Variants in PTPRT observed in about 807,000 individuals in gnomAD.
PTPRT encodes receptor-type tyrosine-protein phosphatase T.
PTPRT carries 56 observed loss-of-function variants against 176.8 expected under a neutral mutation model. The observed-to-expected ratio is 0.32, with a 90% CI of 0.26 to 0.40. The LOEUF (loss-of-function observed/expected upper bound fraction) is 0.40, where lower values mean the gene tolerates loss of function less well. PTPRT is among the 10% of genes least tolerant of loss of function. The pLI, the probability that PTPRT is intolerant of heterozygous loss-of-function variation, is 1.00. For missense variants in PTPRT, 1,540 were observed against 1,908.2 expected, an observed-to-expected ratio of 0.81 and a Z score of 3.60; for synonymous variants, 783 against 739.0, an observed-to-expected ratio of 1.06 and a Z score of -0.96.
At chr20:42,961,122 GA>G (rs895658904) in intron 1 of PTPRT, among the ~76,000 whole-genome samples, 1 of 151,540 alleles carries the variant, frequency 6.6e-6, no homozygotes, top group South Asian at 2.1e-4. Context: ...TTAAAAGCTA[GA>G]AAAAAAATGA....
At chr20:42,666,742 T>C (rs2075323502) in intron 7 of PTPRT, among the ~76,000 whole-genome samples, 1 of 152,240 alleles carries the variant, frequency 6.6e-6, no homozygotes, top group Non-Finnish European at 1.5e-5. Context: ...TGCTGCACAA[T>C]TCTTAGCTTA....
At chr20:42,974,635 C>T (rs926504602) in intron 1 of PTPRT, among the ~76,000 whole-genome samples, 3 of 152,134 alleles carry the variant, frequency 2.0e-5, no homozygotes, top group East Asian at 3.9e-4. Flanking sequence ...TAAAAGCAAT[C>T]GCAAGTGCTG....
intron 11 of PTPRT, among the ~76,000 whole-genome samples, chr20:42,331,566 C>T (rs2227158): frequency 0.4 from 61,325 of 151,944 alleles, 14,042 homozygotes; most frequent in East Asian, 0.59. Context: ...ATAGGGCAAA[C>T]AAATGCAAGA....
At chr20:42,822,277 A>G (rs1216199943) in intron 2 of PTPRT, among the ~76,000 whole-genome samples, 2 of 152,184 alleles carry the variant, frequency 1.3e-5, no homozygotes, top group East Asian at 3.9e-4. Flanking sequence ...TCTTCAACAA[A>G]CCTGACAAAA....
chr20:42,258,631 C>T (rs2056691944), intron 13 of PTPRT, among the ~76,000 whole-genome samples: 1 of 152,050 alleles, frequency 6.6e-6, no homozygotes, highest in Non-Finnish European at 1.5e-5. Context: ...GACTACCTCC[C>T]CATGCCTCAA....
intron 2 of PTPRT, among the ~76,000 whole-genome samples, chr20:42,882,410 A>T (rs1184028641): frequency 1.3e-5 from 2 of 152,192 alleles, no homozygotes; most frequent in Non-Finnish European, 2.9e-5. Flanking sequence ...GGGCTGAGAA[A>T]ATTAATATTA....
chr20:42,044,443 C>G, the PTPRT span, among the ~76,000 whole-genome samples: 2 of 152,204 alleles, frequency 1.3e-5, no homozygotes, highest in Non-Finnish European at 2.9e-5. Flanking sequence ...CGAGAGGACT[C>G]ATGCTAGGCA....
At chr20:42,582,629 A>T (rs1286845176) in intron 7 of PTPRT, among the ~76,000 whole-genome samples, 5 of 151,644 alleles carry the variant, frequency 3.3e-5, no homozygotes, top group Non-Finnish European at 5.9e-5. Context: ...TTGCACAGAG[A>T]CTCCCCAAAC....
chr20:42,202,514 G>A (rs541301297), intron 15 of PTPRT, among the ~76,000 whole-genome samples: 11 of 152,252 alleles, frequency 7.2e-5, no homozygotes, highest in African/African-American at 2.4e-4. Flanking sequence ...AGACAGGGGC[G>A]GGGGAATGCC....
intron 8 of PTPRT, among the ~76,000 whole-genome samples, chr20:42,454,971 A>G (rs1288417985): frequency 6.6e-6 from 1 of 152,198 alleles, no homozygotes; most frequent in Admixed American, 6.5e-5. Context: ...GCAATGAAAG[A>G]CAGGAAGTTG....
intron 1 of PTPRT, among the ~76,000 whole-genome samples, chr20:43,167,345 T>C (rs923069668): frequency 7.2e-5 from 11 of 152,196 alleles, no homozygotes; most frequent in Non-Finnish European, 8.8e-5. Flanking sequence ...GAATTTTTCA[T>C]CTCCCAATTT....
intron 12 of PTPRT, among the ~76,000 whole-genome samples, chr20:42,295,647 A>G (rs1488224539): frequency 6.6e-6 from 1 of 152,160 alleles, no homozygotes; most frequent in Non-Finnish European, 1.5e-5. Context: ...AGAGAGAGAG[A>G]GAGAAAGAGG....
At chr20:42,142,973 G>C (rs1039705575) in intron 17 of PTPRT, among the ~76,000 whole-genome samples, 7 of 152,178 alleles carry the variant, frequency 4.6e-5, no homozygotes, top group African/African-American at 1.7e-4. Flanking sequence ...GGGAACAGCA[G>C]ATGCAAAGAT....
chr20:42,281,965 A>G (rs1373262211), intron 13 of PTPRT, among the ~76,000 whole-genome samples: 1 of 152,182 alleles, frequency 6.6e-6, no homozygotes, highest in Non-Finnish European at 1.5e-5. Flanking sequence ...ATGAGCCTGA[A>G]CAATGCTGCC....
chr20:42,162,449 CT>C (rs1989644342), intron 16 of PTPRT, among the ~76,000 whole-genome samples: 1 of 152,204 alleles, frequency 6.6e-6, no homozygotes, highest in African/African-American at 2.4e-5. Context: ...TTGAATTCTT[CT>C]GTTCCCCTTG....
chr20:42,521,231 T>C lies in PTPRT; in HGVS notation c.1154-48669A>G, dbSNP rs570735211. Among the ~76,000 whole-genome samples, 17 of 152,258 alleles carry C rather than the reference T, an allele frequency of 1.1e-4. No homozygotes were observed. The South Asian group carries it at 2.9e-3, about 26-fold the overall frequency. ...TTGGCCATTTCATATGAGTTCAAGA[T>C]AAAATACCCCTTAAGCTCATATAAA... On this transcript the variant is annotated intron_variant, in intron 7 of 30. Transcript: ENST00000373187.
chr20:42,179,313 G>C (rs938012274), intron 16 of PTPRT, among the ~76,000 whole-genome samples: 2 of 152,160 alleles, frequency 1.3e-5, no homozygotes, highest in Non-Finnish European at 2.9e-5. Flanking sequence ...ATTCATGAAA[G>C]CTTCTAAAGT....
chr20:42,971,956 G>A (rs775412321), intron 1 of PTPRT, among the ~76,000 whole-genome samples: 35 of 151,904 alleles, frequency 2.3e-4, no homozygotes, highest in Non-Finnish European at 4.3e-4. Context: ...AGTAGGCTGA[G>A]GCACACAATG....
intron 10 of PTPRT, 35 bp downstream of exon 10, chr20:42,352,049 A>C: frequency 1.3e-6 from 2 of 1,594,004 alleles, no homozygotes; most frequent in Non-Finnish European, 1.7e-6. Context: ...GGGGTGAAAC[A>C]ACCTTTTTTC....
Sources: allele counts gnomAD v4.1 joint callset (sites outside exome capture counted in the v4.1 genomes callset), GRCh38; gene constraint gnomAD v4.1.1; transcripts MANE v1.5; gene names NCBI Gene and HGNC (gene_info 2026-07-23, HGNC 2026-07-21).